The following GPC6 variants were observed in gnomAD, a reference collection of about 807,000 sequenced individuals.
The protein encoded by GPC6 is glypican 6.
GPC6 carries 14 observed loss-of-function variants against 55.2 expected under a neutral mutation model. The ratio of observed to expected loss-of-function variants is 0.25; its 90% confidence interval spans 0.17 to 0.40. The LOEUF is 0.40. Among genes scored for constraint, GPC6 ranks in the 10% least tolerant of loss-of-function variants. The probability of loss-of-function intolerance (pLI) is 1.00; values close to 1 mark genes in which losing one functional copy is unlikely to be tolerated. For missense variants in GPC6, 641 were observed against 708.5 expected (o/e 0.90, Z 1.08); for synonymous variants, 278 against 259.6 (o/e 1.07, Z -0.68).
chr13:93,798,392 C>T (rs760672516), intron 2 of GPC6, among the ~76,000 whole-genome samples: 1 of 151,928 alleles, frequency 6.6e-6, no homozygotes, highest in African/African-American at 2.4e-5. Context: ...AATTTTAAAC[C>T]CTGTAAAATT....
intron 2 of GPC6, among the ~76,000 whole-genome samples, chr13:93,750,669 A>G (rs2138861717): frequency 1.3e-5 from 2 of 152,332 alleles, no homozygotes; most frequent in Admixed American, 1.3e-4. Flanking sequence ...AAACACAGCT[A>G]TAATTGTGAT....
At chr13:94,070,651 G>A (rs1256089715) in intron 4 of GPC6, among the ~76,000 whole-genome samples, 1 of 152,174 alleles carries the variant, frequency 6.6e-6, no homozygotes, top group Non-Finnish European at 1.5e-5. Flanking sequence ...CCTTTCTAGA[G>A]TTACTCTATG....
At chr13:94,384,923 G>A (rs1880335208) in intron 7 of GPC6, among the ~76,000 whole-genome samples, 1 of 152,196 alleles carries the variant, frequency 6.6e-6, no homozygotes, top group Admixed American at 6.5e-5. Context: ...CAGTCCATCA[G>A]CAGTATGATT....
At chr13:93,380,594 C>G (rs897879169) in intron 1 of GPC6, among the ~76,000 whole-genome samples, 1 of 152,080 alleles carries the variant, frequency 6.6e-6, no homozygotes, top group Admixed American at 6.5e-5. Context: ...TCAGATGCAG[C>G]AGTCCTTATG....
At chr13:93,353,588 T>G (rs1490739053) in intron 1 of GPC6, among the ~76,000 whole-genome samples, 1 of 152,236 alleles carries the variant, frequency 6.6e-6, no homozygotes, top group Non-Finnish European at 1.5e-5. Context: ...AGCCAGCAGA[T>G]AAATGAAGAA....
intron 5 of GPC6, among the ~76,000 whole-genome samples, chr13:94,294,816 G>A (rs1192133151): frequency 1.3e-5 from 2 of 152,068 alleles, no homozygotes; most frequent in African/African-American, 2.4e-5. Context: ...GTATTAGCAT[G>A]TCCGTTGTAA....
At chr13:93,955,936 T>G (rs139181661) in intron 3 of GPC6, among the ~76,000 whole-genome samples, 2 of 152,300 alleles carry the variant, frequency 1.3e-5, no homozygotes, top group East Asian at 3.9e-4. Context: ...TGTGTGTCTT[T>G]TCTGCCTTCA....
intron 2 of GPC6, among the ~76,000 whole-genome samples, chr13:93,548,620 A>T (rs1195467207): frequency 1.3e-5 from 2 of 152,154 alleles, no homozygotes; most frequent in Non-Finnish European, 2.9e-5. Flanking sequence ...TTTTGATAAC[A>T]TTTAGAAGAG....
intron 1 of GPC6, among the ~76,000 whole-genome samples, chr13:93,422,920 A>C (rs967202573): frequency 6.6e-6 from 1 of 152,184 alleles, no homozygotes; most frequent in African/African-American, 2.4e-5. Flanking sequence ...CACAGAGTAG[A>C]GATTTAATTA....
intron 3 of GPC6, among the ~76,000 whole-genome samples, chr13:93,935,584 T>C (rs1878395841): frequency 6.6e-6 from 1 of 152,204 alleles, no homozygotes; most frequent in Non-Finnish European, 1.5e-5. Context: ...ATTTTGCCTA[T>C]TCCTTTTTAA....
At chr13:94,337,029 C>A (rs894165793) in intron 6 of GPC6, among the ~76,000 whole-genome samples, 1 of 152,150 alleles carries the variant, frequency 6.6e-6, no homozygotes, top group Non-Finnish European at 1.5e-5. Context: ...AAAGGAGATA[C>A]CACAAGGAGG....
chr13:94,196,619 T>C (rs556509283), intron 4 of GPC6, among the ~76,000 whole-genome samples: 1 of 152,256 alleles, frequency 6.6e-6, no homozygotes, highest in East Asian at 1.9e-4. Context: ...GCTGTTTGAG[T>C]TGAAACTAAC....
chr13:93,264,481 C>A (rs1323928864), intron 1 of GPC6, among the ~76,000 whole-genome samples: 3 of 152,190 alleles, frequency 2.0e-5, no homozygotes, highest in Non-Finnish European at 4.4e-5. Context: ...ACAATCATAG[C>A]TCCCTGCAGC....
intron 1 of GPC6, among the ~76,000 whole-genome samples, chr13:93,463,343 G>A (rs916342089): frequency 2.7e-4 from 41 of 152,174 alleles, no homozygotes; most frequent in Non-Finnish European, 4.4e-4. Flanking sequence ...GAAAATGGCC[G>A]TCACAACTCA....
At chr13:93,220,535 A>G in the GPC6 span, among the ~76,000 whole-genome samples, 5 of 152,248 alleles carry the variant, frequency 3.3e-5, no homozygotes, top group Admixed American at 6.5e-5. Context: ...TGTCACTCTT[A>G]CATTTACATA....
chr13:94,043,930 G>A (rs1029435918), intron 4 of GPC6, among the ~76,000 whole-genome samples: 1 of 151,672 alleles, frequency 6.6e-6, no homozygotes, highest in Admixed American at 6.6e-5. Flanking sequence ...TATATTCATT[G>A]GTAATAGAAT....
intron 2 of GPC6, among the ~76,000 whole-genome samples, chr13:93,787,099 T>C (rs1885837889): frequency 1.3e-5 from 2 of 152,354 alleles, no homozygotes; most frequent in Middle Eastern, 3.4e-3. Flanking sequence ...CAAACTGTTT[T>C]CTTTAACAGT....
At chr13:94,266,672 C>T (rs1320443958) in intron 4 of GPC6, among the ~76,000 whole-genome samples, 1 of 152,158 alleles carries the variant, frequency 6.6e-6, no homozygotes, top group Non-Finnish European at 1.5e-5. Flanking sequence ...TTCAAGATTT[C>T]ATTGCACTTG....
chr13:94,252,970 A>AG (rs1491305338), intron 4 of GPC6, among the ~76,000 whole-genome samples: 6 of 145,578 alleles, frequency 4.1e-5, no homozygotes, highest in African/African-American at 1.5e-4. Flanking sequence ...AAAAAAAAAA[A>AG]AAGCAGTTTT....
Sources: allele counts gnomAD v4.1 joint callset (sites outside exome capture counted in the v4.1 genomes callset), GRCh38; gene constraint gnomAD v4.1.1; transcripts MANE v1.5; gene names NCBI Gene and HGNC (gene_info 2026-07-23, HGNC 2026-07-21).